TENM2: variants seen among roughly 807,000 people sequenced by gnomAD.
TENM2 encodes the protein teneurin-2.
In TENM2, 52 loss-of-function variants were observed where a neutral mutation model predicts 245.2. The ratio of observed to expected loss-of-function variants is 0.21; its 90% CI spans 0.17 to 0.27. The LOEUF (loss-of-function observed/expected upper bound fraction) is 0.27. TENM2 is among the 10% of genes least tolerant of loss of function. The pLI is 1.00. For missense variants in TENM2, 3,046 were observed against 3,666.8 expected, an observed-to-expected ratio of 0.83 and a Z score of 4.37; for synonymous variants, 1,363 against 1,438.9, an observed-to-expected ratio of 0.95 and a Z score of 1.19.
intron 1 of TENM2, among the ~76,000 whole-genome samples, chr5:167,363,299 A>G (rs944717215): frequency 6.6e-6 from 1 of 152,214 alleles, no homozygotes; most frequent in Non-Finnish European, 1.5e-5. Flanking sequence ...ACCTAAAAAG[A>G]GGTATGTGTT....
At chr5:167,152,516 T>C in the TENM2 span, among the ~76,000 whole-genome samples, 1 of 152,194 alleles carries the variant, frequency 6.6e-6, no homozygotes, top group Non-Finnish European at 1.5e-5. Context: ...AGCTGTTATA[T>C]AGTGTTAAAC....
intron 27 of TENM2, among the ~76,000 whole-genome samples, chr5:168,249,207 C>T (rs17070027): frequency 0.086 from 13,006 of 151,290 alleles, 589 homozygotes; most frequent in South Asian, 0.16. Flanking sequence ...GTGTTATTAA[C>T]ATTGTCATTA....
intron 3 of TENM2, among the ~76,000 whole-genome samples, chr5:167,914,888 C>T (rs369570004): frequency 2.6e-5 from 4 of 152,276 alleles, no homozygotes; most frequent in African/African-American, 9.6e-5. Flanking sequence ...GGACACCAGT[C>T]ATTTTGGATT....
At chr5:167,254,422 T>G in the TENM2 span, among the ~76,000 whole-genome samples, 1 of 152,170 alleles carries the variant, frequency 6.6e-6, no homozygotes, top group African/African-American at 2.4e-5. Flanking sequence ...CTCTCTATTA[T>G]GCATTTGTGC....
chr5:167,194,774 G>T, the TENM2 span, among the ~76,000 whole-genome samples: 1 of 152,006 alleles, frequency 6.6e-6, no homozygotes, highest in Non-Finnish European at 1.5e-5. Context: ...ATAAATGTTA[G>T]CTCTGATAAG....
chr5:167,535,253 C>A (rs1562034947), intron 2 of TENM2, among the ~76,000 whole-genome samples: 1 of 151,904 alleles, frequency 6.6e-6, no homozygotes. Context: ...TAGAGATACT[C>A]AAGCTCCCCT....
At chr5:167,263,638 T>C in the TENM2 span, among the ~76,000 whole-genome samples, 2 of 152,180 alleles carry the variant, frequency 1.3e-5, no homozygotes, top group Admixed American at 6.5e-5. Flanking sequence ...ATTTTTTATG[T>C]GCCAGTCTTC....
At chr5:168,087,281 T>C (rs1366071080) in intron 7 of TENM2, 2 of 152,184 alleles carry the variant, frequency 1.3e-5, no homozygotes, top group Non-Finnish European at 2.9e-5. Context: ...GATGCTACCA[T>C]CTTTTCCTGG....
rs78633164 is a variant in TENM2, at chr5:168,203,534, G to A, written c.3431-155G>A. 3.0e-3 allele frequency among the ~76,000 whole-genome samples: 460 copies of A among 152,294 alleles called. 11 individuals are homozygous for A. The East Asian group carries it at 0.062, about 20-fold the overall frequency. ...TGAATTTAATATTGTAGCATCACAA[G>A]GAGAAAAGCAATCAGCCTGCCTCTT... On this transcript the variant is annotated intron_variant, in intron 17 of 28. Coordinates refer to ENST00000518659, the Ensembl canonical transcript of TENM2.
Position 167,858,824 on chromosome 5 carries a change from G to A in TENM2, c.503-17162G>A, listed in dbSNP as rs1223148745. 1.9e-4 allele frequency among the ~76,000 whole-genome samples: 28 copies of A among 148,012 alleles called. 1 individual carries two copies. The highest frequency in any genetic ancestry group is 6.0e-4 in the Admixed American group (9 of 15,004). On this transcript the variant is annotated intron_variant, in intron 2 of 28. Coordinates refer to ENST00000518659, the Ensembl canonical transcript of TENM2. ...CCGCGCCGGCGAGCGCCGCCCGGGA[G>A]GCAGCGGCTGGAGGAGCGGACGGGC...
At chr5:167,121,377 G>C in the TENM2 span, among the ~76,000 whole-genome samples, 35 of 152,280 alleles carry the variant, frequency 2.3e-4, no homozygotes, top group African/African-American at 8.4e-4. Context: ...AGCTGAACTT[G>C]AATGAGAAGA....
At chr5:167,841,192 G>T (rs577969337) in intron 2 of TENM2, among the ~76,000 whole-genome samples, 27 of 152,030 alleles carry the variant, frequency 1.8e-4, no homozygotes, top group Admixed American at 7.9e-4. Flanking sequence ...AAGTAGCTGG[G>T]ATTACAGGCG....
chr5:167,584,961 T>C (rs1405800824), intron 2 of TENM2, among the ~76,000 whole-genome samples: 1 of 152,246 alleles, frequency 6.6e-6, no homozygotes, highest in African/African-American at 2.4e-5. Context: ...GTATCACTGA[T>C]GCTTAGAAAA....
At chr5:167,532,812 A>ATGTGTG (rs1018346866) in intron 2 of TENM2, among the ~76,000 whole-genome samples, 3 of 114,312 alleles carry the variant, frequency 2.6e-5, no homozygotes, top group South Asian at 3.0e-4. Flanking sequence ...ATTTGTGTGT[A>ATGTGTG]TGTGTGTGTG....
At chr5:167,107,609 C>T in the TENM2 span, among the ~76,000 whole-genome samples, 2 of 152,152 alleles carry the variant, frequency 1.3e-5, no homozygotes, top group African/African-American at 2.4e-5. Flanking sequence ...TGGTTCCTCT[C>T]GCTTCCACTA....
chr5:167,695,935 G>A (rs1757734890), intron 2 of TENM2, among the ~76,000 whole-genome samples: 1 of 151,914 alleles, frequency 6.6e-6, no homozygotes, highest in African/African-American at 2.4e-5. Flanking sequence ...TGGGGAGGCT[G>A]AGGCAGGAGA....
intron 4 of TENM2, among the ~76,000 whole-genome samples, chr5:167,990,407 A>G (rs1226433609): frequency 6.6e-6 from 1 of 152,184 alleles, no homozygotes; most frequent in Non-Finnish European, 1.5e-5. Flanking sequence ...TTCTTTTGCT[A>G]CGTAATCCTG....
chr5:168,206,196 G>A (rs1480952667), intron 19 of TENM2, among the ~76,000 whole-genome samples: 1 of 152,242 alleles, frequency 6.6e-6, no homozygotes, highest in Non-Finnish European at 1.5e-5. Flanking sequence ...AGTCTCTGAG[G>A]CCCTGTCTGG....
chr5:167,264,073 C>G, the TENM2 span, among the ~76,000 whole-genome samples: 1 of 148,518 alleles, frequency 6.7e-6, no homozygotes, highest in Non-Finnish European at 1.5e-5. Flanking sequence ...CCACTGCACT[C>G]TAGCCTGGGC....
Sources: gnomAD v4.1 joint callset for allele counts (sites outside exome capture counted in the v4.1 genomes callset) on GRCh38, gnomAD v4.1.1 for gene constraint, MANE v1.5 for transcripts, NCBI Gene and HGNC (gene_info 2026-07-23, HGNC 2026-07-21) for gene names.